Variants in CAMK4 observed in about 807,000 individuals in gnomAD.
CAMK4 encodes calcium/calmodulin-dependent protein kinase type IV.
Under a neutral mutation model 44.9 loss-of-function variants are expected in CAMK4, and 22 were observed. The ratio of observed to expected loss-of-function variants is 0.49; its 90% CI spans 0.35 to 0.70. CAMK4 has a LOEUF of 0.70. CAMK4 is among the 30% of genes least tolerant of loss of function. The pLI, the probability that CAMK4 is intolerant of heterozygous loss-of-function variation, is 0.01. For synonymous variants in CAMK4, 218 were observed against 215.4 expected, an observed-to-expected ratio of 1.01 and a Z score of -0.11; for missense variants, 498 against 586.8, an observed-to-expected ratio of 0.85 and a Z score of 1.56.
At chr5:111,301,278 A>G (rs920177853) in intron 1 of CAMK4, among the ~76,000 whole-genome samples, 2 of 152,248 alleles carry the variant, frequency 1.3e-5, no homozygotes, top group Non-Finnish European at 2.9e-5. Flanking sequence ...GACTTAACAT[A>G]TCCTACAGAA....
intron 5 of CAMK4, among the ~76,000 whole-genome samples, chr5:111,435,812 T>A (rs1753624461): frequency 6.6e-6 from 1 of 152,228 alleles, no homozygotes; most frequent in African/African-American, 2.4e-5. Flanking sequence ...TCACCTTTTC[T>A]GAAACATGGG....
intron 2 of CAMK4, among the ~76,000 whole-genome samples, chr5:111,371,313 C>G (rs1580664985): frequency 1.3e-5 from 2 of 152,128 alleles, no homozygotes; most frequent in African/African-American, 4.8e-5. Context: ...CTGGTAATGT[C>G]AAAAGTCTTT....
intron 1 of CAMK4, among the ~76,000 whole-genome samples, chr5:111,321,498 G>C (rs1474136561): frequency 2.4e-5 from 3 of 127,170 alleles, no homozygotes. Context: ...TTAAATGCTA[G>C]ATATTACTGA....
intron 1 of CAMK4, among the ~76,000 whole-genome samples, chr5:111,252,328 T>A (rs933229227): frequency 6.6e-6 from 1 of 152,208 alleles, no homozygotes; most frequent in Non-Finnish European, 1.5e-5. Context: ...TAGGATGGCA[T>A]AACCATAAAC....
At chr5:111,415,918 A>C (rs1264768397) in intron 5 of CAMK4, among the ~76,000 whole-genome samples, 1 of 152,236 alleles carries the variant, frequency 6.6e-6, no homozygotes, top group Non-Finnish European at 1.5e-5. Flanking sequence ...AGTAATCTAC[A>C]GATGATTTAA....
intron 2 of CAMK4, among the ~76,000 whole-genome samples, chr5:111,355,877 C>A (rs907004227): frequency 7.6e-6 from 1 of 131,804 alleles, no homozygotes; most frequent in Non-Finnish European, 1.6e-5. Flanking sequence ...GTATATGTGC[C>A]ACATTTTCTT....
chr5:111,466,120 T>C (rs251007), intron 7 of CAMK4, among the ~76,000 whole-genome samples: 112,846 of 152,004 alleles, frequency 0.74, 42,298 homozygotes, highest in Non-Finnish European at 0.79. Context: ...CTCAATAGAC[T>C]CAGGAAAAGC....
chr5:111,346,114 G>A (rs1337156901), intron 2 of CAMK4, among the ~76,000 whole-genome samples: 4 of 151,886 alleles, frequency 2.6e-5, no homozygotes, highest in African/African-American at 9.7e-5. Context: ...TGCCTCTAGC[G>A]TTTCATTCCA....
chr5:111,479,961 GGGAT>G (rs1755375162), intron 9 of CAMK4, among the ~76,000 whole-genome samples: 1 of 151,976 alleles, frequency 6.6e-6, no homozygotes, highest in Non-Finnish European at 1.5e-5. Flanking sequence ...AGGATCCAGA[GGGAT>G]GGTCTTATAA....
chr5:111,442,517 C>CATATATATATAT (rs58032491), intron 5 of CAMK4, among the ~76,000 whole-genome samples: 2 of 142,072 alleles, frequency 1.4e-5, no homozygotes, highest in South Asian at 2.3e-4. Flanking sequence ...AAAACCAAAA[C>CATATATATATAT]ATATATATAT....
intron 1 of CAMK4, among the ~76,000 whole-genome samples, chr5:111,316,281 C>G (rs1227301548): frequency 6.6e-6 from 1 of 152,166 alleles, no homozygotes; most frequent in East Asian, 1.9e-4. Flanking sequence ...AGTTCTTTTT[C>G]TATGACCATC....
chr5:111,264,237 T>G (rs1280191559), intron 1 of CAMK4, among the ~76,000 whole-genome samples: 4 of 152,092 alleles, frequency 2.6e-5, no homozygotes, highest in African/African-American at 9.7e-5. Context: ...ATTGTCAGCT[T>G]TGTTGGTGTG....
rs3776940 is a variant in CAMK4 at position 111,401,302 on chromosome 5, C to A, written c.459+6520C>A. On this transcript the variant is annotated intron_variant, in intron 5 of 10. Coordinates refer to ENST00000282356, the MANE Select transcript of CAMK4 (RefSeq NM_001744.6). ...TACAGGCATGCGACACCATGCCTGGCTAATTTTTGTATTTTTAGTAGAGAC... is the reference window on the plus strand; with the variant it reads ...TACAGGCATGCGACACCATGCCTGGATAATTTTTGTATTTTTAGTAGAGAC... Among the ~76,000 whole-genome samples, 684 of 152,204 alleles carry A rather than the reference C, an allele frequency of 4.5e-3. 37 individuals are homozygous for A. In the East Asian group the frequency reaches 0.12, roughly 26 times the overall value.
intron 5 of CAMK4, among the ~76,000 whole-genome samples, chr5:111,417,244 A>G (rs1752848246): frequency 9.2e-6 from 1 of 108,792 alleles, no homozygotes; most frequent in Non-Finnish European, 2.0e-5. Context: ...TTTTTTTTTG[A>G]GACAAAGTCT....
intron 7 of CAMK4, among the ~76,000 whole-genome samples, chr5:111,453,590 G>A (rs1754308542): frequency 6.6e-6 from 1 of 152,088 alleles, no homozygotes; most frequent in African/African-American, 2.4e-5. Context: ...AATTTACGCA[G>A]AGACTGTTTT....
chr5:111,458,745 G>C (rs75885818), intron 7 of CAMK4, among the ~76,000 whole-genome samples: 1 of 152,164 alleles, frequency 6.6e-6, no homozygotes, highest in Non-Finnish European at 1.5e-5. Flanking sequence ...AGAGAGGAGA[G>C]AGCAAACCAC....
intron 5 of CAMK4, among the ~76,000 whole-genome samples, chr5:111,438,183 C>T (rs1258821912): frequency 6.6e-6 from 1 of 152,136 alleles, no homozygotes; most frequent in Non-Finnish European, 1.5e-5. Context: ...GTCGAGAGTG[C>T]TGCTATGGAC....
intron 1 of CAMK4, among the ~76,000 whole-genome samples, chr5:111,335,896 A>C (rs1749381151): frequency 6.6e-6 from 1 of 151,348 alleles, no homozygotes; most frequent in Non-Finnish European, 1.5e-5. Context: ...CAGGTTTGAC[A>C]ACTCTCTCTT....
chr5:111,463,651 T>C (rs1047406629), intron 7 of CAMK4, among the ~76,000 whole-genome samples: 4 of 152,184 alleles, frequency 2.6e-5, no homozygotes, highest in South Asian at 4.1e-4. Flanking sequence ...GACCTGAAGA[T>C]GGTTTACACC....
Sources: gnomAD v4.1 joint callset for allele counts (sites outside exome capture counted in the v4.1 genomes callset) on GRCh38, gnomAD v4.1.1 for gene constraint, MANE v1.5 for transcripts, NCBI Gene and HGNC (gene_info 2026-07-23, HGNC 2026-07-21) for gene names.